PCDH7: variants seen among roughly 807,000 people sequenced by gnomAD.
PCDH7 encodes protocadherin 7, also known as protocadherin-7.
PCDH7 carries 17 observed loss-of-function variants against 58.9 expected under a neutral mutation model. The ratio of observed to expected loss-of-function variants is 0.29; its 90% CI spans 0.20 to 0.43. The LOEUF (loss-of-function observed/expected upper bound fraction) is 0.43, where lower values mean the gene tolerates loss of function less well. Ranked by LOEUF, PCDH7 falls within the 20% of genes least tolerant of loss-of-function variation. PCDH7 has a pLI of 1.00. For missense variants in PCDH7, 1,274 were observed against 1,441.0 expected (o/e 0.88, Z 1.88); for synonymous variants, 664 against 616.4 (o/e 1.08, Z -1.14).
At chr4:30,897,425 G>C (rs1019388368) in intron 1 of PCDH7, among the ~76,000 whole-genome samples, 1 of 152,070 alleles carries the variant, frequency 6.6e-6, no homozygotes, top group Non-Finnish European at 1.5e-5. Flanking sequence ...AGTGTTTGTG[G>C]AAGTTTTTTT....
intron 1 of PCDH7, among the ~76,000 whole-genome samples, chr4:30,851,730 AAAG>A (rs1481151530): frequency 3.3e-5 from 5 of 152,062 alleles, no homozygotes; most frequent in African/African-American, 4.8e-5. Flanking sequence ...TGAGTGTAGT[AAAG>A]AAGAAGTAAC....
At chr4:31,118,715 C>T (rs1189380104) in intron 3 of PCDH7, among the ~76,000 whole-genome samples, 3 of 152,056 alleles carry the variant, frequency 2.0e-5, no homozygotes, top group Non-Finnish European at 2.9e-5. Flanking sequence ...GACCTTCTAA[C>T]CAATAGTGAT....
At chr4:30,778,030 CT>C (rs1722294431) in intron 1 of PCDH7, among the ~76,000 whole-genome samples, 1 of 152,070 alleles carries the variant, frequency 6.6e-6, no homozygotes, top group African/African-American at 2.4e-5. Context: ...GAAACATTGA[CT>C]TTTTCATTGC....
At chr4:31,131,434 G>C (rs774241652) in intron 3 of PCDH7, among the ~76,000 whole-genome samples, 1 of 151,816 alleles carries the variant, frequency 6.6e-6, no homozygotes, top group Non-Finnish European at 1.5e-5. Context: ...ACACTCTTTT[G>C]CTCCTAATTG....
At chr4:30,965,695 A>T (rs1457299506) in intron 3 of PCDH7, among the ~76,000 whole-genome samples, 1 of 152,154 alleles carries the variant, frequency 6.6e-6, no homozygotes, top group African/African-American at 2.4e-5. Context: ...AATAAAAAAG[A>T]GTACAAAACT....
At chr4:30,948,587 T>C (rs1164604112) in intron 2 of PCDH7, among the ~76,000 whole-genome samples, 3 of 152,274 alleles carry the variant, frequency 2.0e-5, no homozygotes, top group Non-Finnish European at 4.4e-5. Flanking sequence ...TACAAAATTA[T>C]AGAAATTTAT....
At chr4:31,016,851 T>G (rs941740341) in intron 3 of PCDH7, among the ~76,000 whole-genome samples, 2 of 147,686 alleles carry the variant, frequency 1.4e-5, no homozygotes, top group African/African-American at 2.5e-5. Flanking sequence ...GTGTGTGTGC[T>G]GGGTGTGTGT....
At chr4:30,836,933 G>T (rs762801459) in intron 1 of PCDH7, among the ~76,000 whole-genome samples, 1 of 152,058 alleles carries the variant, frequency 6.6e-6, no homozygotes, top group Admixed American at 6.6e-5. Context: ...ACTTTAAACC[G>T]TACTGGCCAG....
chr4:30,790,919 T>C (rs1209844112), intron 1 of PCDH7, among the ~76,000 whole-genome samples: 1 of 151,366 alleles, frequency 6.6e-6, no homozygotes, highest in Non-Finnish European at 1.5e-5. Flanking sequence ...AGAGACCTTG[T>C]CTCAAAAAAA....
At chr4:30,895,514 C>T (rs1158988455) in intron 1 of PCDH7, among the ~76,000 whole-genome samples, 1 of 152,150 alleles carries the variant, frequency 6.6e-6, no homozygotes. Context: ...CCCCTACCTG[C>T]ACTCTCATCA....
chr4:30,724,761 A>G, intron 1 of PCDH7, 165 bp downstream of exon 1: 2 of 1,447,298 alleles, frequency 1.4e-6, no homozygotes, highest in Non-Finnish European at 1.8e-6. Context: ...AAGGCCATCT[A>G]CAAGAGGTAT....
intron 1 of PCDH7, among the ~76,000 whole-genome samples, chr4:30,784,762 T>C (rs1723194574): frequency 6.6e-6 from 1 of 151,958 alleles, no homozygotes; most frequent in African/African-American, 2.4e-5. Context: ...TTTTAGGTTG[T>C]TAGACTAAAT....
intron 2 of PCDH7, among the ~76,000 whole-genome samples, chr4:30,944,248 A>T (rs931967935): frequency 1.1e-4 from 16 of 152,152 alleles, no homozygotes; most frequent in African/African-American, 3.6e-4. Context: ...TAAGATAATC[A>T]TTCAAGAGAT....
At chr4:30,824,454 T>C (rs1728853010) in intron 1 of PCDH7, among the ~76,000 whole-genome samples, 1 of 152,100 alleles carries the variant, frequency 6.6e-6, no homozygotes, top group East Asian at 1.9e-4. Flanking sequence ...AACATCCTTT[T>C]TGGATGGATG....
chr4:30,889,397 G>C (rs1388545618), intron 1 of PCDH7, among the ~76,000 whole-genome samples: 12 of 151,850 alleles, frequency 7.9e-5, no homozygotes, highest in Non-Finnish European at 1.6e-4. Context: ...ATTGATCGTT[G>C]TCAACATTAT....
rs188174089 is a variant in PCDH7 at position 31,107,084 on chromosome 4, C to A, written c.*8-35389C>A. On this transcript the variant is annotated intron_variant, in intron 3 of 3. Transcript: ENST00000509759. ...TCTACATTTCCCTTTTTTTAGTTTT[C>A]CAACTGTTTTTTAATAATAGTTCTT... Among the ~76,000 whole-genome samples the A allele has an allele frequency of 4.3e-4, 65 of 151,706 alleles. 1 individual carries two copies. Among genetic ancestry groups the A allele is most frequent in the African/African-American group, 1.6e-3 (65 of 41,464 alleles).
intron 3 of PCDH7, among the ~76,000 whole-genome samples, chr4:31,045,687 C>T (rs1455171132): frequency 6.6e-6 from 1 of 151,920 alleles, no homozygotes; most frequent in African/African-American, 2.4e-5. Context: ...TTATTGCAAC[C>T]TATCTCTCCT....
chr4:30,917,598 TTTC>T (rs1742640577), intron 1 of PCDH7, among the ~76,000 whole-genome samples: 1 of 151,946 alleles, frequency 6.6e-6, no homozygotes, highest in Non-Finnish European at 1.5e-5. Context: ...ATCTAAGTAT[TTTC>T]TAATATATAA....
chr4:30,777,259 A>G (rs567521968), intron 1 of PCDH7, among the ~76,000 whole-genome samples: 1 of 152,292 alleles, frequency 6.6e-6, no homozygotes, highest in South Asian at 2.1e-4. Context: ...CTGAAACCTT[A>G]CAAACTTTCA....
Sources: gnomAD v4.1 joint callset for allele counts (sites outside exome capture counted in the v4.1 genomes callset) on GRCh38, gnomAD v4.1.1 for gene constraint, MANE v1.5 for transcripts, NCBI Gene and HGNC (gene_info 2026-07-23, HGNC 2026-07-21) for gene names.